The following GNG7 variants were observed in gnomAD, a reference collection of about 807,000 sequenced individuals.
GNG7 encodes G protein subunit gamma 7.
Under a neutral mutation model 4.0 loss-of-function variants are expected in GNG7, and 1 was observed. The ratio of observed to expected loss-of-function variants is 0.25; its 90% CI spans 0.09 to 1.18. The LOEUF is 1.18. Ranked by LOEUF, GNG7 falls within the 50% of genes most tolerant of loss-of-function variation. GNG7 has a pLI of 0.50. For missense variants in GNG7, 86 were observed against 91.9 expected, an observed-to-expected ratio of 0.94 and a Z score of 0.26; for synonymous variants, 34 against 36.9, an observed-to-expected ratio of 0.92 and a Z score of 0.29.
chr19:2,586,204 A>C (rs1568253367), intron 2 of GNG7, among the ~76,000 whole-genome samples: 1 of 152,184 alleles, frequency 6.6e-6, no homozygotes, highest in African/African-American at 2.4e-5. Context: ...TGATGGGGTG[A>C]GATCGGGGAG....
intron 1 of GNG7, among the ~76,000 whole-genome samples, chr19:2,661,837 G>C (rs1020356520): frequency 6.6e-6 from 1 of 152,076 alleles, no homozygotes; most frequent in Non-Finnish European, 1.5e-5. Context: ...AGCTCCAATC[G>C]AGCCTTCAGA....
At position 2,634,968 on chromosome 19, in the gene GNG7, C is replaced by T. The variant is rs1345777701; in HGVS notation, c.-78+11256G>A. ...TGATCTGGAGGTCGCAAAGTTCTTC[C>T]GCACTCAGTGAGGCAAGAAGCAAAA... On this transcript the variant is annotated intron_variant, in intron 2 of 4. Transcript: ENST00000382159. This position sits in a 1 kb window ranked among gnomAD's most constrained non-coding sequence, Gnocchi z 5.3. 2.0e-5 allele frequency among the ~76,000 whole-genome samples: 3 copies of T among 152,128 alleles called. No individual in the cohort carries two copies. The highest frequency in any genetic ancestry group is 7.2e-5 in the African/African-American group (3 of 41,418).
At chr19:2,644,586 T>C (rs999487596) in intron 2 of GNG7, among the ~76,000 whole-genome samples, 1 of 151,740 alleles carries the variant, frequency 6.6e-6, no homozygotes, top group Non-Finnish European at 1.5e-5. Context: ...TCCAGAACAT[T>C]CTAATTATGC....
chr19:2,697,753 G>A (rs1041766933), intron 1 of GNG7, among the ~76,000 whole-genome samples: 11 of 151,504 alleles, frequency 7.3e-5, no homozygotes, highest in Middle Eastern at 3.5e-3. Flanking sequence ...TCAGGAGTTC[G>A]AGGCCAGCCT....
At chr19:2,595,834 G>A (rs573970232) in intron 2 of GNG7, among the ~76,000 whole-genome samples, 4 of 152,098 alleles carry the variant, frequency 2.6e-5, no homozygotes, top group Non-Finnish European at 5.9e-5. Context: ...CTATGTGAGT[G>A]TGCATGTGTA....
intron 1 of GNG7, among the ~76,000 whole-genome samples, chr19:2,661,293 A>G (rs1345243259): frequency 0.097 from 3,444 of 35,428 alleles, 148 homozygotes; most frequent in Middle Eastern, 0.15. Flanking sequence ...AAAGAAAGAA[A>G]GAAAGAAAGA....
At chr19:2,561,394 C>T (rs568646135) in intron 2 of GNG7, among the ~76,000 whole-genome samples, 1 of 152,202 alleles carries the variant, frequency 6.6e-6, no homozygotes, top group South Asian at 2.1e-4. Context: ...ATCCACGGTG[C>T]CCTGGGGAGA....
intron 2 of GNG7, among the ~76,000 whole-genome samples, chr19:2,598,767 G>A (rs1427433715): frequency 6.6e-6 from 1 of 151,354 alleles, no homozygotes; most frequent in East Asian, 1.9e-4. Context: ...GACATCGGGT[G>A]CATTTAAATC....
chr19:2,637,010 C>T (rs930548065), intron 2 of GNG7, among the ~76,000 whole-genome samples: 4 of 152,006 alleles, frequency 2.6e-5, no homozygotes, highest in Non-Finnish European at 5.9e-5. Flanking sequence ...CCACCTGCAC[C>T]TCCAACTCCA....
rs2144817563 is a variant in GNG7 at position 2,606,486 on chromosome 19, C to G, written c.-78+39738G>C. Among the ~76,000 whole-genome samples, 2 of 152,080 alleles carry G rather than the reference C, an allele frequency of 1.3e-5. 1 individual carries two copies. The highest frequency in any genetic ancestry group is 4.1e-4 in the South Asian group (2 of 4,822). On this transcript the variant is annotated intron_variant, in intron 2 of 4. Transcript: ENST00000382159. ...CCTGACCAACATGGAGAAACCCCAT[C>G]TCTACTAAAAATACAAAAATTAGCT...
At chr19:2,588,709 A>C (rs763719925) in intron 2 of GNG7, among the ~76,000 whole-genome samples, 7 of 152,230 alleles carry the variant, frequency 4.6e-5, no homozygotes, top group Non-Finnish European at 7.3e-5. Flanking sequence ...TGGGTTACCC[A>C]GGGTTGTCCT....
At chr19:2,696,206 G>GAGAGAGGGA (rs1373491862) in intron 1 of GNG7, among the ~76,000 whole-genome samples, 3 of 136,740 alleles carry the variant, frequency 2.2e-5, no homozygotes, top group East Asian at 2.0e-4. Flanking sequence ...GGAGAGAGGG[G>GAGAGAGGGA]AGAGAGGGAA....
chr19:2,648,936 T>C (rs1982738989), intron 1 of GNG7, among the ~76,000 whole-genome samples: 1 of 151,934 alleles, frequency 6.6e-6, no homozygotes, highest in Non-Finnish European at 1.5e-5. Flanking sequence ...TTGCCCAGGC[T>C]GGAGTGCAAT....
At position 2,520,621 on chromosome 19, in the gene GNG7, A is replaced by G. The variant is rs1239583439; in HGVS notation, c.68T>C (p.Ile23Thr). The G allele has an allele frequency of 1.3e-6, 2 of 1,548,078 alleles. No individual in the cohort carries two copies. Among genetic ancestry groups the G allele is most frequent in the Non-Finnish European group, 1.8e-6 (2 of 1,141,762 alleles). The part of the protein sequence containing the change: ...LVEQLRIEAG[I>T]ERIKVSKAAS... The stretch of plus-strand genomic sequence containing the variant: ...CGCTGGGCTCACCTTGATGCGCTCA[A>G]TCCCGGCTTCTATGCGTAGCTGTTC... The change falls in exon 4 of 5, where the codon ATT (isoleucine) becomes ACT (threonine). Residue 23 changes from isoleucine to threonine, a missense_variant. Ile to Thr is a moderately conservative substitution (Grantham distance 89). Transcript: ENST00000382159.
chr19:2,554,559 A>ATT (rs34740203), intron 3 of GNG7, among the ~76,000 whole-genome samples: 89 of 130,138 alleles, frequency 6.8e-4, no homozygotes, highest in South Asian at 1.3e-3. Flanking sequence ...ATATATATAT[A>ATT]TTTTTTTTTT....
intron 3 of GNG7, among the ~76,000 whole-genome samples, chr19:2,542,326 G>T (rs8111815): frequency 0.23 from 35,170 of 151,692 alleles, 4,068 homozygotes; most frequent in East Asian, 0.29. Flanking sequence ...ATGTTGCCCA[G>T]GCTGGTCTTG....
Position 2,535,076 on chromosome 19 carries a change from T to G in GNG7, c.-37-14351A>C, listed in dbSNP as rs530379449. On this transcript the variant is annotated intron_variant, in intron 3 of 4. Transcript: ENST00000382159. ...CATAAAATTAACAGTTACAACAATC[T>G]TGGAGCCAGTCATTCAGCCCACCAC... 2.6e-5 allele frequency among the ~76,000 whole-genome samples: 4 copies of G among 152,304 alleles called. No homozygotes were observed. In the East Asian group the frequency reaches 7.7e-4, roughly 29 times the overall value.
At chr19:2,553,772 AATGTT>A (rs912617573) in intron 3 of GNG7, among the ~76,000 whole-genome samples, 29 of 147,658 alleles carry the variant, frequency 2.0e-4, no homozygotes, top group Admixed American at 6.2e-4. Context: ...TATTGCATGT[AATGTT>A]ATATCACACA....
At position 2,511,866 on chromosome 19, in the gene GNG7, G is replaced by T. The variant is rs1326279613; in HGVS notation, c.*3156C>A. ...TACCCCTGGGGAGGGTGGGAGAGGG[G>T]TGAGGGTTCTGGCTCCTTCCTGGAG... On this transcript the variant is annotated 3_prime_UTR_variant, in exon 5 of 5. Transcript: ENST00000382159. The surrounding 1 kb of genome is among the most constrained non-coding windows in gnomAD (Gnocchi z 6.3). 1 of 986,262 alleles carries T rather than the reference G, an allele frequency of 1.0e-6. No individual in the cohort carries two copies. Among genetic ancestry groups the T allele is most frequent in the Non-Finnish European group, 1.2e-6 (1 of 830,248 alleles). The allele number at this position is 986,262 out of a possible 1,614,324, so 61.1% of individuals were successfully genotyped here.
Sources: allele counts gnomAD v4.1 joint callset (sites outside exome capture counted in the v4.1 genomes callset), GRCh38; gene constraint gnomAD v4.1.1; non-coding constraint Gnocchi (gnomAD v3.1); transcripts MANE v1.5; gene names NCBI Gene and HGNC (gene_info 2026-07-23, HGNC 2026-07-21).